CA10: variants seen among roughly 807,000 people sequenced by gnomAD.
CA10 encodes the protein carbonic anhydrase-related protein 10.
Under a neutral mutation model 44.2 loss-of-function variants are expected in CA10, and 14 were observed. The observed-to-expected ratio is 0.32, with a 90% CI of 0.21 to 0.50. The LOEUF (loss-of-function observed/expected upper bound fraction) is 0.50. Among genes scored for constraint, CA10 ranks in the 20% least tolerant of loss-of-function variants. CA10 has a pLI of 0.99. For missense variants in CA10, 350 were observed against 409.7 expected (o/e 0.85, Z 1.26); for synonymous variants, 159 against 141.6 (o/e 1.12, Z -0.87).
chr17:51,977,293 A>T (rs1255870749), intron 2 of CA10, among the ~76,000 whole-genome samples: 1 of 152,014 alleles, frequency 6.6e-6, no homozygotes, highest in African/African-American at 2.4e-5. Context: ...TCTTAACAAA[A>T]TATTAGTAAA....
At chr17:51,785,812 T>A (rs182488720) in intron 3 of CA10, among the ~76,000 whole-genome samples, 1 of 152,304 alleles carries the variant, frequency 6.6e-6, no homozygotes, top group East Asian at 1.9e-4. Flanking sequence ...CCATATAAAT[T>A]TAAGGATTAT....
chr17:51,723,171 C>G (rs1916404463), intron 4 of CA10, among the ~76,000 whole-genome samples: 1 of 152,110 alleles, frequency 6.6e-6, no homozygotes, highest in Admixed American at 6.5e-5. Context: ...CCAATAAGAG[C>G]CCAAGGAAAG....
At chr17:51,667,360 C>T (rs1479900955) in intron 4 of CA10, among the ~76,000 whole-genome samples, 1 of 152,110 alleles carries the variant, frequency 6.6e-6, no homozygotes, top group African/African-American at 2.4e-5. Flanking sequence ...GCCTTTAGAA[C>T]CTTTGCACCA....
At chr17:51,829,424 G>T (rs1240207251) in intron 3 of CA10, among the ~76,000 whole-genome samples, 1 of 152,144 alleles carries the variant, frequency 6.6e-6, no homozygotes, top group Non-Finnish European at 1.5e-5. Context: ...GGGTTCAAAA[G>T]ATTACCCCTG....
At chr17:51,796,326 T>C (rs1162030012) in intron 3 of CA10, among the ~76,000 whole-genome samples, 1 of 152,182 alleles carries the variant, frequency 6.6e-6, no homozygotes, top group African/African-American at 2.4e-5. Context: ...TGCCCTATCA[T>C]AGACCCAGTG....
intron 6 of CA10, among the ~76,000 whole-genome samples, chr17:51,647,181 G>T (rs752013348): frequency 6.6e-6 from 1 of 152,040 alleles, no homozygotes; most frequent in Non-Finnish European, 1.5e-5. Context: ...CTCAAGATCC[G>T]GCTCCAGAAC....
chr17:51,691,596 T>C (rs1915194713), intron 4 of CA10, among the ~76,000 whole-genome samples: 1 of 151,552 alleles, frequency 6.6e-6, no homozygotes, highest in Non-Finnish European at 1.5e-5. Context: ...TTTGCTTTTG[T>C]TGCTTGTGCT....
chr17:51,781,786 T>C (rs1906070470), intron 3 of CA10, among the ~76,000 whole-genome samples: 1 of 152,238 alleles, frequency 6.6e-6, no homozygotes, highest in Non-Finnish European at 1.5e-5. Flanking sequence ...TCATGACATG[T>C]AACAGTTTTT....
At chr17:52,090,668 A>T (rs1988234634) in intron 1 of CA10, among the ~76,000 whole-genome samples, 1 of 152,202 alleles carries the variant, frequency 6.6e-6, no homozygotes, top group Non-Finnish European at 1.5e-5. Flanking sequence ...TAAATACAGC[A>T]TCTTTAAGTT....
chr17:51,963,257 A>T (rs1315668871), intron 2 of CA10, among the ~76,000 whole-genome samples: 3 of 152,210 alleles, frequency 2.0e-5, no homozygotes, highest in Non-Finnish European at 2.9e-5. Flanking sequence ...TTTGAGAAAT[A>T]TGAGATTGTG....
At chr17:51,640,773 TCA>T (rs1913047712) in intron 6 of CA10, among the ~76,000 whole-genome samples, 1 of 152,208 alleles carries the variant, frequency 6.6e-6, no homozygotes, top group Non-Finnish European at 1.5e-5. Context: ...TAGCTTTTAG[TCA>T]CAAACTATCT....
At chr17:51,972,830 TG>T (rs1347771455) in intron 2 of CA10, among the ~76,000 whole-genome samples, 1 of 150,212 alleles carries the variant, frequency 6.7e-6, no homozygotes, top group Non-Finnish European at 1.5e-5. Context: ...ACTAAAAGAA[TG>T]TGTCAAAACA....
intron 2 of CA10, among the ~76,000 whole-genome samples, chr17:52,052,223 C>T (rs994451875): frequency 5.3e-5 from 8 of 150,954 alleles, no homozygotes; most frequent in African/African-American, 1.9e-4. Flanking sequence ...TGAACAACAA[C>T]CCCCCATGAC....
chr17:51,947,213 A>C (rs886191279), intron 2 of CA10, among the ~76,000 whole-genome samples: 1 of 132,240 alleles, frequency 7.6e-6, no homozygotes, highest in Admixed American at 9.2e-5. Flanking sequence ...TTTGGAATGC[A>C]TCTTCATGTG....
In CA10 at chr17:52,001,210, G is replaced by C. The variant is rs540354220; in HGVS notation, c.137-70078C>G. Among the ~76,000 whole-genome samples, 8 of 152,056 alleles carry C rather than the reference G, an allele frequency of 5.3e-5. No individual in the cohort carries two copies. The East Asian group carries it at 5.9e-4, about 11-fold the overall frequency. On this transcript the variant is annotated intron_variant, in intron 2 of 8. Transcript: ENST00000451037. ...TAAGAATGTTTTTAAATTTTCAAAG[G>C]ATTGTAAAAAACAAAGCAGAATATG... is the stretch of plus-strand genomic sequence containing the variant.
At chr17:51,761,959 A>C (rs1905227087) in intron 3 of CA10, 1 of 152,224 alleles carries the variant, frequency 6.6e-6, no homozygotes, top group Non-Finnish European at 1.5e-5. Flanking sequence ...TCCTTTCTAG[A>C]AGCAAGCAAC....
intron 3 of CA10, among the ~76,000 whole-genome samples, chr17:51,822,576 T>C (rs1056543643): frequency 1.1e-4 from 17 of 152,268 alleles, no homozygotes; most frequent in Non-Finnish European, 1.5e-5. Flanking sequence ...AGGTGTTTAC[T>C]GTCCTTCACT....
At chr17:51,774,278 A>G (rs1001004554) in intron 3 of CA10, among the ~76,000 whole-genome samples, 1 of 152,154 alleles carries the variant, frequency 6.6e-6, no homozygotes, top group African/African-American at 2.4e-5. Flanking sequence ...GAACCTTAGC[A>G]CTTACTTATG....
At chr17:52,119,862 T>TC (rs558167560) in intron 1 of CA10, among the ~76,000 whole-genome samples, 3 of 152,122 alleles carry the variant, frequency 2.0e-5, no homozygotes, top group African/African-American at 7.2e-5. Flanking sequence ...TAATTTTTTT[T>TC]CCCCCACATT....
Sources: allele counts gnomAD v4.1 joint callset (sites outside exome capture counted in the v4.1 genomes callset), GRCh38; gene constraint gnomAD v4.1.1; transcripts MANE v1.5; gene names NCBI Gene and HGNC (gene_info 2026-07-23, HGNC 2026-07-21).